Variants in MYCBP2 observed in about 807,000 individuals in gnomAD.
The protein encoded by MYCBP2 is MYC binding protein 2, also known as E3 ubiquitin-protein ligase MYCBP2.
Under a neutral mutation model 525.3 loss-of-function variants are expected in MYCBP2, and 120 were observed. The ratio of observed to expected loss-of-function variants is 0.23; its 90% CI spans 0.20 to 0.27. The LOEUF is 0.27. Among genes scored for constraint, MYCBP2 ranks in the 10% least tolerant of loss-of-function variants. The pLI, the probability that MYCBP2 is intolerant of heterozygous loss-of-function variation, is 1.00. For missense variants in MYCBP2, 4,149 were observed against 5,657.1 expected, an observed-to-expected ratio of 0.73 and a Z score of 8.55; for synonymous variants, 1,894 against 1,955.8, an observed-to-expected ratio of 0.97 and a Z score of 0.83.
chr13:77,099,079 A>T (rs765474729), intron 55 of MYCBP2, 66 bp from the exon 56 acceptor site: 2 of 1,563,774 alleles, frequency 1.3e-6, no homozygotes, highest in Admixed American at 1.9e-5. Context: ...TTTAGCCACT[A>T]AACACTGAAA....
At chr13:77,119,552 A>T (rs73541776) in intron 55 of MYCBP2, among the ~76,000 whole-genome samples, 3,421 of 152,244 alleles carry the variant, frequency 0.022, 127 homozygotes, top group African/African-American at 0.078. Context: ...AGAAAAAAAA[A>T]CTTACAAAAA....
intron 13 of MYCBP2, among the ~76,000 whole-genome samples, chr13:77,258,215 C>T (rs1483047219): frequency 1.3e-5 from 2 of 152,172 alleles, no homozygotes; most frequent in Non-Finnish European, 2.9e-5. Flanking sequence ...AAGTAAAATA[C>T]TTGCCATAGT....
chr13:77,164,622 A>G (rs2058325367), intron 42 of MYCBP2, 81 bp from the exon 43 acceptor site: 1 of 865,434 alleles, frequency 1.2e-6, no homozygotes, highest in African/African-American at 1.7e-5. Context: ...ATTTGAATTC[A>G]AGCATTACTT....
chr13:77,180,154 T>C lies in MYCBP2; in HGVS notation c.5106A>G (p.Glu1702=). Residue 1702 remains glutamate (E), a synonymous_variant, in exon 34 of 83, where the codon GAA becomes GAG. Transcript: ENST00000544440. ...TCGLLASIVS[E]LTASALGSEV... ...CAGATCCCAGGGCTGACGCTGTCAG[T>C]TCACTGACAATGCTGGCCAGTAATC... 6.2e-7 allele frequency: 1 copy of C among 1,613,992 alleles called. No individual in the cohort carries two copies. The highest frequency in any genetic ancestry group is 8.5e-7 in the Non-Finnish European group (1 of 1,179,926).
intron 20 of MYCBP2, 64 bp from the exon 21 acceptor site, chr13:77,218,021 AG>A: frequency 9.1e-7 from 1 of 1,102,844 alleles, no homozygotes; most frequent in Non-Finnish European, 1.3e-6. Flanking sequence ...AAAAACAATA[AG>A]TAAGCAATGC....
chr13:77,244,090 C>T (rs1199069754), intron 15 of MYCBP2, 139 bp from the exon 16 acceptor site: 162 of 925,926 alleles, frequency 1.7e-4, no homozygotes, highest in Non-Finnish European at 2.3e-4. Context: ...CTTTAGATCA[C>T]GATTGTTCAT....
chr13:77,180,316 A>C lies in MYCBP2; in HGVS notation c.4944T>G (p.Ser1648Arg). The C allele has an allele frequency of 1.9e-6, 3 of 1,613,230 alleles. No homozygotes were observed. The highest frequency in any genetic ancestry group is 2.5e-6 in the Non-Finnish European group (3 of 1,179,550). ...LVAHMEKLSQ[S>R]EENISGMTSF... ...TTGTCATCCCTGAGATATTCTCTTC[A>C]CTCTGCGATACATAAGAAAAAGTTC... The change falls in exon 34 of 83, where the codon AGT (serine) becomes AGG (arginine). Residue 1648 changes from serine (S) to arginine (R), a missense_variant and splice_region_variant. Coordinates refer to ENST00000544440, the MANE Select transcript of MYCBP2 (RefSeq NM_015057.5).
rs945476910 is a variant in MYCBP2, at chr13:77,169,824, T to A, written c.5795-110A>T. The stretch of plus-strand genomic sequence containing the variant: ...CTGCTCTTTTGAGCGAAACTATAGT[T>A]GACACCAATTGGGTGCTTGTCAAGG... On this transcript the variant is annotated intron_variant, in intron 38 of 82. Coordinates refer to ENST00000544440, the MANE Select transcript of MYCBP2 (RefSeq NM_015057.5). The A allele has an allele frequency of 4.6e-6, 4 of 871,842 alleles. No individual in the cohort carries two copies. In the African/African-American group the frequency reaches 6.9e-5, roughly 15 times the overall value. The allele number at this position is 871,842 out of a possible 1,614,324, so 54.0% of individuals were successfully genotyped here.
intron 47 of MYCBP2, among the ~76,000 whole-genome samples, chr13:77,148,334 C>T (rs1594911567): frequency 1.3e-5 from 2 of 152,094 alleles, no homozygotes; most frequent in South Asian, 4.1e-4. Flanking sequence ...TCCCTGATTT[C>T]TTTAACCTCA....
At chr13:77,183,753 T>C (rs527834251) in intron 32 of MYCBP2, among the ~76,000 whole-genome samples, 13 of 151,934 alleles carry the variant, frequency 8.6e-5, no homozygotes, top group Admixed American at 7.9e-4. Context: ...AGTTTTGCCA[T>C]GTTAGGCTGG....
At chr13:77,096,956 A>T (rs547754459) in intron 56 of MYCBP2, among the ~76,000 whole-genome samples, 1 of 152,324 alleles carries the variant, frequency 6.6e-6, no homozygotes, top group African/African-American at 2.4e-5. Context: ...GTCTTCTGAT[A>T]AAACAATATC....
rs771857630 is a variant in MYCBP2 at position 77,164,530 on chromosome 13, T to C, written c.6471A>G (p.Gln2157=). 8.7e-6 allele frequency: 14 copies of C among 1,606,390 alleles called. No individual in the cohort carries two copies. Among genetic ancestry groups the C allele is most frequent in the African/African-American group, 2.7e-5 (2 of 74,798 alleles). The change falls in exon 43 of 83, where the codon CAA becomes CAG. Residue 2157 remains glutamine (Q), a synonymous_variant. Transcript: ENST00000544440. ...CAAGATTGGCTAATTCTTTTTCCAA[T>C]TGGATGACTCCCTATGGAATTGCAT... ...FSPGPDEGVI[Q]LEKELANLGG...
intron 1 of MYCBP2, among the ~76,000 whole-genome samples, chr13:77,311,413 C>T (rs1039106155): frequency 4.6e-5 from 7 of 152,054 alleles, no homozygotes; most frequent in African/African-American, 1.7e-4. Context: ...AAGAGACAAT[C>T]AAAAGATGCC....
intron 47 of MYCBP2, among the ~76,000 whole-genome samples, chr13:77,147,171 A>T (rs2154190113): frequency 6.6e-6 from 1 of 152,218 alleles, no homozygotes; most frequent in South Asian, 2.1e-4. Flanking sequence ...CCCAAAATAT[A>T]CTGCTTATGA....
intron 26 of MYCBP2, among the ~76,000 whole-genome samples, chr13:77,199,031 G>C (rs1211719682): frequency 6.6e-6 from 1 of 152,104 alleles, no homozygotes; most frequent in Non-Finnish European, 1.5e-5. Context: ...CTGTAGGGGG[G>C]GAGGAGGCAA....
rs759055500 is a variant in MYCBP2, at chr13:77,185,407, T to G, written c.4445-30A>C. ...GAGGGGGAAAAAGCAGATTGGTAATTAAGCAAAATATTAAATATGCATGAA... is the reference window on the plus strand; with the variant it reads ...GAGGGGGAAAAAGCAGATTGGTAATGAAGCAAAATATTAAATATGCATGAA... On this transcript the variant is annotated intron_variant, in intron 31 of 82. Coordinates refer to ENST00000544440, the MANE Select transcript of MYCBP2 (RefSeq NM_015057.5). 3.8e-6 allele frequency: 6 copies of G among 1,587,476 alleles called. No homozygotes were observed. The African/African-American group carries it at 5.4e-5, about 14-fold the overall frequency.
At chr13:77,265,233 A>G (rs2073911897) in intron 8 of MYCBP2, among the ~76,000 whole-genome samples, 1 of 152,146 alleles carries the variant, frequency 6.6e-6, no homozygotes, top group Non-Finnish European at 1.5e-5. Flanking sequence ...CAAAAGAAAG[A>G]GTTCCTAGTC....
In MYCBP2 at chr13:77,257,700, T is replaced by A. The variant is rs772955134; in HGVS notation, c.2147A>T (p.Asp716Val). The A allele has an allele frequency of 6.3e-7, 1 of 1,597,012 alleles. No homozygotes were observed. Among genetic ancestry groups the A allele is most frequent in the South Asian group, 1.2e-5 (1 of 86,616 alleles). Residue 716 changes from aspartate to valine, a missense_variant, in exon 14 of 83, where the codon GAT becomes GTT. Physicochemically the swap from Asp to Val is radical, Grantham distance 152 (BLOSUM62 -3). Coordinates refer to ENST00000544440, the MANE Select transcript of MYCBP2 (RefSeq NM_015057.5). ...GVNNKGQCGR[D>V]TGAMNQGGKG... ...CCCACCTTGGTTCATGGCACCAGTA[T>A]CTCGTCCACACTGTCCTTTATTATT... is the stretch of plus-strand genomic sequence containing the variant.
intron 1 of MYCBP2, among the ~76,000 whole-genome samples, chr13:77,318,801 G>A (rs972249204): frequency 3.6e-4 from 55 of 152,292 alleles, no homozygotes; most frequent in African/African-American, 1.3e-3. Flanking sequence ...AATATGACAT[G>A]TGTGCCTGTT....
Sources: gnomAD v4.1 joint callset for allele counts (sites outside exome capture counted in the v4.1 genomes callset) on GRCh38, gnomAD v4.1.1 for gene constraint, MANE v1.5 for transcripts, NCBI Gene and HGNC (gene_info 2026-07-23, HGNC 2026-07-21) for gene names.